MYOCD: variants seen among roughly 807,000 people sequenced by gnomAD.
MYOCD encodes the protein myocardin.
A neutral mutation model predicts 96.1 loss-of-function variants in MYOCD; 32 were observed. The ratio of observed to expected loss-of-function variants is 0.33; its 90% CI spans 0.25 to 0.45. The LOEUF (loss-of-function observed/expected upper bound fraction) is 0.45. Ranked by LOEUF, MYOCD falls within the 20% of genes least tolerant of loss-of-function variation. The pLI is 1.00. For synonymous variants in MYOCD, 469 were observed against 469.0 expected (o/e 1.00, Z 0.00); for missense variants, 1,133 against 1,200.6 (o/e 0.94, Z 0.83).
rs774898264 is a variant in MYOCD, at chr17:12,733,880, AG to A, written c.416-2280del. Among the ~76,000 whole-genome samples the A allele has an allele frequency of 1.4e-4, 20 of 142,562 alleles. 2 individuals are homozygous for A. Among genetic ancestry groups the A allele is most frequent in the East Asian group, 6.5e-4 (3 of 4,594 alleles). The allele number at this position is 142,562 out of a possible 152,430, so 93.5% of individuals were successfully genotyped here. A position where few individuals can be genotyped will look rare whatever the true frequency, so the allele number is the denominator to read the frequency against. On this transcript the variant is annotated intron_variant, in intron 5 of 13. Transcript: ENST00000425538. ...GACTCCGTCTCAAAAAAAAGAAAAA[AG>A]AAAAAAAGAAAGAAATGAGAAAATG...
chr17:12,758,314 G>A, intron 12 of MYOCD, 101 bp downstream of exon 12: 1 of 1,556,362 alleles, frequency 6.4e-7, no homozygotes, highest in South Asian at 1.2e-5. Flanking sequence ...TTCTGATATT[G>A]AGTGTGTCAT....
Position 12,745,898 on chromosome 17 carries a change from GC to G in MYOCD, c.972-19del. Reference sequence around the variant, plus strand: ...ACCAATATTTGATTGTACTTGAAATGCCTCTTTGTTTGTTTTTTAGGGAACC... The same window carrying G: ...ACCAATATTTGATTGTACTTGAAATGCTCTTTGTTTGTTTTTTAGGGAACC... On this transcript the variant is annotated intron_variant, in intron 8 of 13. Coordinates refer to ENST00000425538, the MANE Select transcript of MYOCD (RefSeq NM_001146312.3). 2 of 1,612,656 alleles carry G rather than the reference GC, an allele frequency of 1.2e-6. No individual in the cohort carries two copies. The highest frequency in any genetic ancestry group is 1.7e-6 in the Non-Finnish European group (2 of 1,179,520).
In MYOCD at chr17:12,676,148, G is replaced by A. The variant is rs546008847; in HGVS notation, c.55+9905G>A. 2.0e-5 allele frequency among the ~76,000 whole-genome samples: 3 copies of A among 151,900 alleles called. No homozygotes were observed. The South Asian group carries it at 6.2e-4, about 32-fold the overall frequency. On this transcript the variant is annotated intron_variant, in intron 1 of 13. Coordinates refer to ENST00000425538, the MANE Select transcript of MYOCD (RefSeq NM_001146312.3). Reference sequence around the variant, plus strand: ...CAAAGATTTAAGTGAAGATTTAGAGGACGTGGACACTAAATAAAATTTGAT... The same window carrying A: ...CAAAGATTTAAGTGAAGATTTAGAGAACGTGGACACTAAATAAAATTTGAT...
At chr17:12,752,316 A>G in intron 9 of MYOCD, 98 bp from the exon 10 acceptor site, 1 of 1,054,420 alleles carries the variant, frequency 9.5e-7, no homozygotes, top group Non-Finnish European at 1.4e-6. Context: ...GGTATTGTAG[A>G]ATTCCATTTG....
intron 5 of MYOCD, among the ~76,000 whole-genome samples, chr17:12,732,493 C>G (rs2032205612): frequency 6.6e-6 from 1 of 152,154 alleles, no homozygotes; most frequent in Admixed American, 6.5e-5. Flanking sequence ...CCACCACCAG[C>G]ACTCACCAGG....
chr17:12,687,311 C>T (rs559754311), intron 1 of MYOCD, among the ~76,000 whole-genome samples: 2 of 152,170 alleles, frequency 1.3e-5, no homozygotes, highest in South Asian at 4.2e-4. Flanking sequence ...GAATTTCTTG[C>T]ATTATTATTA....
chr17:12,699,389 G>T (rs1267192287), intron 1 of MYOCD, among the ~76,000 whole-genome samples: 1 of 152,172 alleles, frequency 6.6e-6, no homozygotes, highest in Non-Finnish European at 1.5e-5. Flanking sequence ...CTCTCAAAGT[G>T]CTGGGATTAC....
chr17:12,675,191 A>G (rs1597722233), intron 1 of MYOCD, among the ~76,000 whole-genome samples: 2 of 152,236 alleles, frequency 1.3e-5, no homozygotes, highest in African/African-American at 4.8e-5. Flanking sequence ...TCTAGATACT[A>G]TTTTTTAAAA....
chr17:12,690,096 A>G (rs1293549499), intron 1 of MYOCD, among the ~76,000 whole-genome samples: 1 of 152,200 alleles, frequency 6.6e-6, no homozygotes, highest in Non-Finnish European at 1.5e-5. Context: ...TAAAAAAACC[A>G]ATGGAAATTC....
intron 4 of MYOCD, among the ~76,000 whole-genome samples, chr17:12,719,174 C>CAATAAAAAA (rs2031742761): frequency 2.0e-5 from 1 of 49,158 alleles, no homozygotes; most frequent in Non-Finnish European, 3.2e-5. Flanking sequence ...GACTCTGTCT[C>CAATAAAAAA]AAAAAAAAAA....
At chr17:12,689,659 C>G (rs1448500196) in intron 1 of MYOCD, among the ~76,000 whole-genome samples, 1 of 152,066 alleles carries the variant, frequency 6.6e-6, no homozygotes, top group Non-Finnish European at 1.5e-5. Flanking sequence ...TGGTGAAACC[C>G]CGTCTCTACT....
At chr17:12,728,509 C>T (rs572694038) in intron 5 of MYOCD, among the ~76,000 whole-genome samples, 3 of 152,168 alleles carry the variant, frequency 2.0e-5, no homozygotes, top group East Asian at 1.9e-4. Flanking sequence ...GACAGAGTTT[C>T]GCTCTTGTTG....
chr17:12,705,201 C>G lies in MYOCD; in HGVS notation c.121+8C>G. 1 of 1,603,420 alleles carries G rather than the reference C, an allele frequency of 6.2e-7. No homozygotes were observed. The highest frequency in any genetic ancestry group is 8.5e-7 in the Non-Finnish European group (1 of 1,170,576). ...ACCAAGGCATAATACCACGTGAGTA[C>G]CTGCATCTCTTAATTACTGATATAC... On this transcript the variant is annotated splice_region_variant and intron_variant, in intron 2 of 13. Coordinates refer to ENST00000425538, the MANE Select transcript of MYOCD (RefSeq NM_001146312.3).
intron 13 of MYOCD, chr17:12,762,864 C>CA: frequency 1.8e-6 from 1 of 559,134 alleles, no homozygotes. Flanking sequence ...TTAATAATCA[C>CA]AGAGTGGAAT....
In MYOCD at chr17:12,683,225, T is replaced by G. The variant is rs374670953; in HGVS notation, c.55+16982T>G. Among the ~76,000 whole-genome samples the G allele has an allele frequency of 2.0e-4, 31 of 152,312 alleles. No homozygotes were observed. The South Asian group carries it at 3.1e-3, about 15-fold the overall frequency. ...AAAATTCCTAGGGAAAAGTTCAGTCTGGCTTGAGGGATGCCCATCCTCAGA... is the reference window on the plus strand; with the variant it reads ...AAAATTCCTAGGGAAAAGTTCAGTCGGGCTTGAGGGATGCCCATCCTCAGA... On this transcript the variant is annotated intron_variant, in intron 1 of 13. Transcript: ENST00000425538.
chr17:12,684,967 G>A (rs1037310429), intron 1 of MYOCD, among the ~76,000 whole-genome samples: 1 of 151,892 alleles, frequency 6.6e-6, no homozygotes, highest in Non-Finnish European at 1.5e-5. Flanking sequence ...CCAGCCCTGG[G>A]TAGGAAGTGC....
intron 2 of MYOCD, among the ~76,000 whole-genome samples, chr17:12,708,729 C>T (rs1241057298): frequency 1.3e-5 from 2 of 152,116 alleles, no homozygotes; most frequent in Non-Finnish European, 2.9e-5. Context: ...AAGCACCTGC[C>T]ACCAATTAGT....
At position 12,745,910 on chromosome 17, in the gene MYOCD, G is replaced by A; in HGVS notation, c.972-9G>A. ...TTGTACTTGAAATGCCTCTTTGTTT[G>A]TTTTTTAGGGAACCAAATGAACAGA... On this transcript the variant is annotated splice_polypyrimidine_tract_variant and intron_variant, in intron 8 of 13. Coordinates refer to ENST00000425538, the MANE Select transcript of MYOCD (RefSeq NM_001146312.3). 1 of 1,613,332 alleles carries A rather than the reference G, an allele frequency of 6.2e-7. No homozygotes were observed. Among genetic ancestry groups the A allele is most frequent in the Non-Finnish European group, 8.5e-7 (1 of 1,179,812 alleles).
chr17:12,689,049 T>C (rs2030309041), intron 1 of MYOCD, among the ~76,000 whole-genome samples: 2 of 152,194 alleles, frequency 1.3e-5, no homozygotes, highest in Non-Finnish European at 2.9e-5. Flanking sequence ...TGTTTTCCTA[T>C]TCCCGTTATC....
Sources: gnomAD v4.1 joint callset for allele counts (sites outside exome capture counted in the v4.1 genomes callset) on GRCh38, gnomAD v4.1.1 for gene constraint, MANE v1.5 for transcripts, NCBI Gene and HGNC (gene_info 2026-07-23, HGNC 2026-07-21) for gene names.